Variants in PTK2B observed in about 807,000 individuals in gnomAD.
PTK2B encodes protein-tyrosine kinase 2-beta.
In PTK2B, 71 loss-of-function variants were observed where a neutral mutation model predicts 142.9. The ratio of observed to expected loss-of-function variants is 0.50; its 90% confidence interval spans 0.41 to 0.61. The LOEUF (loss-of-function observed/expected upper bound fraction) is 0.61. PTK2B is among the 20% of genes least tolerant of loss of function. PTK2B has a pLI of 0.00. For synonymous variants in PTK2B, 519 were observed against 503.4 expected (o/e 1.03, Z -0.42); for missense variants, 1,105 against 1,320.4 (o/e 0.84, Z 2.53).
intron 7 of PTK2B, 40 bp from the exon 8 acceptor site, chr8:27,430,836 A>G: frequency 6.2e-7 from 1 of 1,602,964 alleles, no homozygotes; most frequent in Non-Finnish European, 8.5e-7. Context: ...GAGACCTGGG[A>G]GGAGCAGGCA....
chr8:27,352,771 C>A (rs570544800), intron 1 of PTK2B, among the ~76,000 whole-genome samples: 20 of 152,314 alleles, frequency 1.3e-4, no homozygotes, highest in African/African-American at 4.8e-4. Context: ...TGTTGCCATC[C>A]ATGTAAGACG....
chr8:27,424,100 C>G (rs1440637188), intron 5 of PTK2B, among the ~76,000 whole-genome samples: 1 of 152,116 alleles, frequency 6.6e-6, no homozygotes, highest in Non-Finnish European at 1.5e-5. Flanking sequence ...TCATCTTCCC[C>G]TCTAAAATTA....
At chr8:27,311,623 A>C in exon 1 of PTK2B, 3 of 227,288 alleles carry the variant, frequency 1.3e-5, no homozygotes, top group Non-Finnish European at 1.7e-5. Context: ...ACCTTAACCA[A>C]TCCCCGGGAA....
chr8:27,338,314 C>T (rs1279861618), intron 1 of PTK2B, among the ~76,000 whole-genome samples: 1 of 149,498 alleles, frequency 6.7e-6, no homozygotes. Context: ...GTTATGCCCT[C>T]AAAAAAATTG....
chr8:27,319,277 A>AT (rs34154097), intron 3 of PTK2B, among the ~76,000 whole-genome samples: 104 of 144,428 alleles, frequency 7.2e-4, no homozygotes, highest in Middle Eastern at 8.0e-3. Context: ...CCCTCTACAG[A>AT]TTTTTTTTTG....
chr8:27,358,587 C>A (rs532269242), intron 1 of PTK2B, among the ~76,000 whole-genome samples: 42 of 152,120 alleles, frequency 2.8e-4, no homozygotes, highest in African/African-American at 9.9e-4. Flanking sequence ...CTACAGATAG[C>A]TGGATTTTTA....
At chr8:27,405,708 AT>A (rs1808670986) in intron 2 of PTK2B, among the ~76,000 whole-genome samples, 2 of 152,188 alleles carry the variant, frequency 1.3e-5, no homozygotes, top group South Asian at 4.1e-4. Context: ...CCACGCCCAC[AT>A]TCATTGCATC....
intron 1 of PTK2B, among the ~76,000 whole-genome samples, chr8:27,342,633 C>T (rs1201259055): frequency 2.0e-5 from 3 of 152,188 alleles, no homozygotes; most frequent in Non-Finnish European, 4.4e-5. Context: ...TTCGAACCCT[C>T]CCCCTGTGTC....
In PTK2B at chr8:27,433,570, G is replaced by T; in HGVS notation, c.1105+18G>T. Reference sequence around the variant, plus strand: ...TAGGAAAGGTGGGTTCCATTTAAAGGTAAAGTGGCTGGACCACGGGTGGCA... The same window carrying T: ...TAGGAAAGGTGGGTTCCATTTAAAGTTAAAGTGGCTGGACCACGGGTGGCA... On this transcript the variant is annotated intron_variant, in intron 11 of 30. Transcript: ENST00000346049. 2 of 1,605,828 alleles carry T rather than the reference G, an allele frequency of 1.2e-6. No individual in the cohort carries two copies. Among genetic ancestry groups the T allele is most frequent in the South Asian group, 2.2e-5 (2 of 90,856 alleles).
At chr8:27,348,368 C>T (rs1013614221) in intron 1 of PTK2B, among the ~76,000 whole-genome samples, 1 of 152,172 alleles carries the variant, frequency 6.6e-6, no homozygotes, top group African/African-American at 2.4e-5. Context: ...TTTCACTTGC[C>T]AAGACCCCTC....
intron 2 of PTK2B, among the ~76,000 whole-genome samples, chr8:27,417,667 A>G (rs1214673840): frequency 7.2e-5 from 11 of 152,224 alleles, no homozygotes; most frequent in Admixed American, 5.9e-4. Context: ...TGAAGCAAGA[A>G]GGCAGAAGGT....
intron 2 of PTK2B, among the ~76,000 whole-genome samples, chr8:27,409,576 G>A (rs1379230980): frequency 6.6e-6 from 1 of 152,166 alleles, no homozygotes; most frequent in South Asian, 2.1e-4. Flanking sequence ...AAAACCCAAA[G>A]GGAGATTTAC....
chr8:27,421,150 T>C (rs1809721882), intron 4 of PTK2B, among the ~76,000 whole-genome samples: 1 of 152,234 alleles, frequency 6.6e-6, no homozygotes, highest in African/African-American at 2.4e-5. Flanking sequence ...CTGTTTCCTC[T>C]GCTGTAAAAT....
Position 27,448,088 on chromosome 8 carries a change from A to G in PTK2B, c.2340+2169A>G, listed in dbSNP as rs116460586. 2.3e-3 allele frequency among the ~76,000 whole-genome samples: 351 copies of G among 152,318 alleles called. 2 individuals are homozygous for G. The highest frequency in any genetic ancestry group is 7.6e-3 in the African/African-American group (315 of 41,572). On this transcript the variant is annotated intron_variant, in intron 24 of 30. Transcript: ENST00000346049. ...AGGAGGACAACCCTTTCCAGCTTCT[A>G]TTTAAAAGTTGGGCCTTGAAAGATG...
At chr8:27,406,728 C>A (rs3779633) in intron 2 of PTK2B, among the ~76,000 whole-genome samples, 61,736 of 151,946 alleles carry the variant, frequency 0.41, 12,826 homozygotes, top group South Asian at 0.53. Context: ...AAAGAATCCT[C>A]CTGCCCCAAG....
At position 27,450,895 on chromosome 8, in the gene PTK2B, G is replaced by A; in HGVS notation, c.2487G>A (p.Leu829=). 1 of 1,614,176 alleles carries A rather than the reference G, an allele frequency of 6.2e-7. No individual in the cohort carries two copies. Residue 829 remains leucine (L), a splice_region_variant and synonymous_variant, in exon 25 of 31, where the codon CTG becomes CTA. Transcript: ENST00000346049. ...YQWLRQEEKS[L]DPMVYMNDKS... ...GGCTCAGGCAGGAGGAGAAGTCCCTGGTGAGCACCCCAGGAAGGATGTCGG... is the reference window on the plus strand; with the variant it reads ...GGCTCAGGCAGGAGGAGAAGTCCCTAGTGAGCACCCCAGGAAGGATGTCGG...
chr8:27,454,038 A>C, intron 28 of PTK2B, 116 bp from the exon 29 acceptor site: 1 of 1,384,036 alleles, frequency 7.2e-7, no homozygotes, highest in Non-Finnish European at 1.0e-6. Flanking sequence ...TCTAAAGAAG[A>C]GTCCTTTCCA....
chr8:27,451,108 A>G (rs748990872), intron 26 of PTK2B, 30 bp downstream of exon 26: 5 of 1,605,594 alleles, frequency 3.1e-6, no homozygotes, highest in East Asian at 4.5e-5. Flanking sequence ...CGCCTCCTCC[A>G]TGCCAAGGCC....
In PTK2B at chr8:27,437,195, T is replaced by C; in HGVS notation, c.1415T>C (p.Met472Thr). Residue 472 changes from methionine to threonine, a missense_variant, in exon 16 of 31, where the codon ATG (methionine) becomes ACG (threonine). Met to Thr is a moderately conservative substitution (Grantham distance 81, BLOSUM62 -1). Transcript: ENST00000346049. ...DCTLDNKEKFMSEAVIMKNLD... is the reference protein window; with the variant it reads ...DCTLDNKEKFTSEAVIMKNLD... ...ACTCTGGACAACAAGGAGAAGTTCA[T>C]GAGCGAGGCAGGTAGGGACCCCTGA... 6.2e-7 allele frequency: 1 copy of C among 1,613,886 alleles called. No individual in the cohort carries two copies. The highest frequency in any genetic ancestry group is 8.5e-7 in the Non-Finnish European group (1 of 1,179,856).
Sources: gnomAD v4.1 joint callset for allele counts (sites outside exome capture counted in the v4.1 genomes callset) on GRCh38, gnomAD v4.1.1 for gene constraint, MANE v1.5 for transcripts, NCBI Gene and HGNC (gene_info 2026-07-23, HGNC 2026-07-21) for gene names.